Variants in ANXA7 observed in about 807,000 individuals in gnomAD.
ANXA7 encodes the protein annexin VII.
In ANXA7, 55 loss-of-function variants were observed where a neutral mutation model predicts 64.9. The observed-to-expected ratio is 0.85, with a 90% CI of 0.68 to 1.06. ANXA7 has a LOEUF of 1.06. Among genes scored for constraint, ANXA7 ranks in the 50% least tolerant of loss-of-function variants. The probability of loss-of-function intolerance (pLI) is 0.00; values close to 1 mark genes in which losing one functional copy is unlikely to be tolerated. For synonymous variants in ANXA7, 200 were observed against 192.4 expected, an observed-to-expected ratio of 1.04 and a Z score of -0.33; for missense variants, 548 against 582.1, an observed-to-expected ratio of 0.94 and a Z score of 0.60.
intron 1 of ANXA7, among the ~76,000 whole-genome samples, chr10:73,411,803 G>T (rs2132708286): frequency 6.6e-6 from 1 of 151,804 alleles, no homozygotes. Flanking sequence ...GGTGTTATGT[G>T]GTTATTAAAA....
chr10:73,395,209 T>C (rs1156540748), intron 5 of ANXA7, among the ~76,000 whole-genome samples: 1 of 152,180 alleles, frequency 6.6e-6, no homozygotes, highest in Non-Finnish European at 1.5e-5. Context: ...TGTGTTGCCC[T>C]AGACAAGTTT....
intron 1 of ANXA7, among the ~76,000 whole-genome samples, chr10:73,401,127 A>G (rs1813387422): frequency 6.6e-6 from 1 of 151,908 alleles, no homozygotes; most frequent in Admixed American, 6.6e-5. Flanking sequence ...GATTGTCTCA[A>G]TCTCTTAACC....
At chr10:73,385,067 G>A (rs2055344245) in intron 7 of ANXA7, among the ~76,000 whole-genome samples, 1 of 152,208 alleles carries the variant, frequency 6.6e-6, no homozygotes, top group Admixed American at 6.5e-5. Flanking sequence ...AGTTAAGGTT[G>A]AGAATTACTC....
At position 73,376,800 on chromosome 10, in the gene ANXA7, A is replaced by G. The variant is rs141539448; in HGVS notation, c.1279-583T>C. Reference sequence around the variant, plus strand: ...TAAAAAAAAAACCAAAAGGTGGGATACACGTACAATAGACTATTTAATTAC... The same window carrying G: ...TAAAAAAAAAACCAAAAGGTGGGATGCACGTACAATAGACTATTTAATTAC... On this transcript the variant is annotated intron_variant, in intron 12 of 12. Coordinates refer to ENST00000372921, the MANE Select transcript of ANXA7 (RefSeq NM_001156.5). 1.8e-4 allele frequency among the ~76,000 whole-genome samples: 28 copies of G among 152,354 alleles called. No homozygotes were observed. The East Asian group carries it at 5.0e-3, about 27-fold the overall frequency.
Position 73,376,103 on chromosome 10 carries a change from C to A in ANXA7, c.1393G>T (p.Gly465Cys). ...AAAAAAAAAAATCCCTCCTACTGGC[C>A]CACAATAGCCAGAAGAAGTCTTCGG... ...DYRRLLLAIVGQ is the reference protein window; with the variant it reads ...DYRRLLLAIVCQ Residue 465 changes from glycine to cysteine, a missense_variant, in exon 13 of 13, where the codon GGC becomes TGC. Physicochemically the swap from Gly to Cys is radical, Grantham distance 159. Coordinates refer to ENST00000372921, the MANE Select transcript of ANXA7 (RefSeq NM_001156.5). The A allele has an allele frequency of 6.3e-7, 1 of 1,578,382 alleles. No individual in the cohort carries two copies.
intron 1 of ANXA7, among the ~76,000 whole-genome samples, chr10:73,409,674 A>G (rs2055810230): frequency 6.6e-6 from 1 of 152,210 alleles, no homozygotes; most frequent in Non-Finnish European, 1.5e-5. Flanking sequence ...CAATCCTAAA[A>G]TTAATATGGA....
At chr10:73,397,037 T>G in intron 4 of ANXA7, 127 bp downstream of exon 4, 1 of 486,844 alleles carries the variant, frequency 2.1e-6, no homozygotes, top group Non-Finnish European at 3.6e-6. Flanking sequence ...CCATTATGTT[T>G]AAAATTATTT....
intron 4 of ANXA7, among the ~76,000 whole-genome samples, chr10:73,396,832 T>G (rs2055583758): frequency 6.6e-6 from 1 of 152,182 alleles, no homozygotes; most frequent in Non-Finnish European, 1.5e-5. Flanking sequence ...TGAATCAGAT[T>G]AAATTCTGAG....
intron 5 of ANXA7, among the ~76,000 whole-genome samples, chr10:73,394,367 A>G (rs973790918): frequency 2.0e-5 from 3 of 152,244 alleles, no homozygotes; most frequent in Non-Finnish European, 2.9e-5. Flanking sequence ...CTAGGTATAT[A>G]CCCAAAGGAT....
chr10:73,393,557 C>T (rs1329446734), intron 5 of ANXA7, among the ~76,000 whole-genome samples: 8 of 152,090 alleles, frequency 5.3e-5, no homozygotes, highest in Admixed American at 2.0e-4. Context: ...TAATACCACA[C>T]ATCTACAACC....
At chr10:73,396,672 A>G in intron 4 of ANXA7, 89 bp from the exon 5 acceptor site, 1 of 764,168 alleles carries the variant, frequency 1.3e-6, no homozygotes, top group Non-Finnish European at 2.1e-6. Flanking sequence ...ATGAATATGG[A>G]AACATACAAG....
intron 5 of ANXA7, among the ~76,000 whole-genome samples, chr10:73,396,280 G>A (rs2055574165): frequency 6.6e-6 from 1 of 152,152 alleles, no homozygotes; most frequent in Non-Finnish European, 1.5e-5. Flanking sequence ...TTAATCTCCA[G>A]GATAAAGTTG....
intron 5 of ANXA7, among the ~76,000 whole-genome samples, chr10:73,393,096 C>T (rs972404346): frequency 6.6e-5 from 10 of 152,108 alleles, no homozygotes; most frequent in Non-Finnish European, 1.0e-4. Flanking sequence ...TGAACTCCCA[C>T]TCACAATCGC....
chr10:73,402,309 A>AC (rs1239755353), intron 1 of ANXA7, among the ~76,000 whole-genome samples: 3 of 149,024 alleles, frequency 2.0e-5, no homozygotes, highest in East Asian at 3.9e-4. Flanking sequence ...CCACCTCAAC[A>AC]CCCCCCCTCC....
chr10:73,395,642 C>A (rs1018165149), intron 5 of ANXA7, among the ~76,000 whole-genome samples: 3 of 151,940 alleles, frequency 2.0e-5, no homozygotes, highest in African/African-American at 7.3e-5. Flanking sequence ...AAAAATGTGA[C>A]AGGTGTAGTG....
intron 5 of ANXA7, among the ~76,000 whole-genome samples, chr10:73,393,067 C>CA (rs1405183719): frequency 6.6e-6 from 1 of 152,088 alleles, no homozygotes; most frequent in Admixed American, 6.6e-5. Flanking sequence ...AACAGACAAA[C>CA]AGAGAGCCAA....
In ANXA7 at chr10:73,396,593, T is replaced by TA. The variant is rs752195026; in HGVS notation, c.371-11dup. 65 of 1,567,438 alleles carry TA rather than the reference T, an allele frequency of 4.1e-5. No individual in the cohort carries two copies. Among genetic ancestry groups the TA allele is most frequent in the Middle Eastern group, 3.4e-4 (2 of 5,888 alleles). Reference sequence around the variant, plus strand: ...CCTCCAGGAAAGCCACCTATAATGTTAAAAAAAATAATAATAATACGGCAA... The same window carrying TA: ...CCTCCAGGAAAGCCACCTATAATGTTAAAAAAAAATAATAATAATACGGCAA... On this transcript the variant is annotated splice_polypyrimidine_tract_variant and intron_variant, in intron 4 of 12. Coordinates refer to ENST00000372921, the MANE Select transcript of ANXA7 (RefSeq NM_001156.5).
chr10:73,384,387 T>C (rs1376911823), intron 7 of ANXA7, among the ~76,000 whole-genome samples: 1 of 152,210 alleles, frequency 6.6e-6, no homozygotes, highest in East Asian at 1.9e-4. Context: ...ATTATCATCT[T>C]GTTCTTATTT....
At chr10:73,391,230 G>A (rs1172301858) in intron 5 of ANXA7, among the ~76,000 whole-genome samples, 5 of 151,626 alleles carry the variant, frequency 3.3e-5, no homozygotes, top group Admixed American at 2.0e-4. Context: ...AATTCTAGGG[G>A]AGAGTTCTCA....
Sources: gnomAD v4.1 joint callset for allele counts (sites outside exome capture counted in the v4.1 genomes callset) on GRCh38, gnomAD v4.1.1 for gene constraint, MANE v1.5 for transcripts, NCBI Gene and HGNC (gene_info 2026-07-23, HGNC 2026-07-21) for gene names.